MAN2A2: variants seen among roughly 807,000 people sequenced by gnomAD.
MAN2A2 encodes alpha-mannosidase 2x.
In MAN2A2, 79 loss-of-function variants were observed where a neutral mutation model predicts 126.8. The observed-to-expected ratio is 0.62, with a 90% CI of 0.52 to 0.75. The LOEUF (loss-of-function observed/expected upper bound fraction) is 0.75, where lower values mean the gene tolerates loss of function less well. MAN2A2 is among the 30% of genes least tolerant of loss of function. The pLI is 0.00. For missense variants in MAN2A2, 1,392 were observed against 1,522.4 expected (o/e 0.91, Z 1.43); for synonymous variants, 671 against 618.7 (o/e 1.08, Z -1.25).
At chr15:90,913,856 T>C (rs554441461) in intron 19 of MAN2A2, 101 bp downstream of exon 19, 98 of 1,401,980 alleles carry the variant, frequency 7.0e-5, no homozygotes, top group Non-Finnish European at 4.8e-5. Flanking sequence ...TGCCTCTTTC[T>C]GGACTGCATC....
chr15:90,918,499 C>T lies in MAN2A2; in HGVS notation c.3189+111C>T, dbSNP rs77958173. On this transcript the variant is annotated intron_variant, in intron 21 of 22. Transcript: ENST00000559717. ...AGGTCCAGACCCCTTAGCAGGTATT[C>T]GGCTCCAAACCTCCAGGACCAGGTT... The T allele has an allele frequency of 6.2e-4, 824 of 1,335,388 alleles. 5 individuals carry two copies. The African/African-American group carries it at 0.011, about 17-fold the overall frequency. The allele number at this position is 1,335,388 out of a possible 1,614,324, so 82.7% of individuals were successfully genotyped here.
At chr15:90,911,718 T>C in intron 14 of MAN2A2, 168 bp downstream of exon 14, 1 of 732,072 alleles carries the variant, frequency 1.4e-6, no homozygotes, top group Non-Finnish European at 2.2e-6. Flanking sequence ...TCTTGGGATT[T>C]GAGCGTGTCC....
chr15:90,912,290 A>G lies in MAN2A2; in HGVS notation c.2346+11A>G, dbSNP rs2034816999. 4 of 1,613,592 alleles carry G rather than the reference A, an allele frequency of 2.5e-6. No homozygotes were observed. Among genetic ancestry groups the G allele is most frequent in the South Asian group, 1.1e-5 (1 of 91,084 alleles). On this transcript the variant is annotated intron_variant, in intron 15 of 22. Transcript: ENST00000559717. ...ACTGGGCTCCTCAAGGTAAAAGGCC[A>G]GGGTGGTGGGGAAGGGCCAGGGGCC...
Position 90,913,287 on chromosome 15 carries a change from T to A in MAN2A2, c.2599T>A (p.Ser867Thr). The A allele has an allele frequency of 6.2e-7, 1 of 1,614,072 alleles. No homozygotes were observed. Among genetic ancestry groups the A allele is most frequent in the Non-Finnish European group, 8.5e-7 (1 of 1,179,988 alleles). ...LYNLPGVEGL[S>T]LDISSLVDIR... The stretch of plus-strand genomic sequence containing the variant: ...CCTGTACCCAGGGGTGGAGGGGCTG[T>A]CTCTGGACATATCATCCCTGGTGGA... Residue 867 changes from serine to threonine, a missense_variant, in exon 18 of 23, where the codon TCT (serine) becomes ACT (threonine). Coordinates refer to ENST00000559717, the MANE Select transcript of MAN2A2 (RefSeq NM_006122.4).
rs897984580 is a variant in MAN2A2 at position 90,905,503 on chromosome 15, C to T, written c.385C>T (p.Leu129=). 3.5e-5 allele frequency: 56 copies of T among 1,613,976 alleles called. No individual in the cohort carries two copies. The highest frequency in any genetic ancestry group is 4.4e-5 in the Non-Finnish European group (52 of 1,180,042). The change falls in exon 3 of 23, where the codon CTG becomes TTG. Residue 129 remains leucine, a synonymous_variant. Transcript: ENST00000559717. ...GGGGGGCCGGGGTCAGAAGCCAGAG[C>T]TGCAGGTAAGAGTCAGAGCTGGCAG... ...ALGGRGQKPE[L]QMLTVSEELP...
Position 90,918,373 on chromosome 15 carries a change from T to A in MAN2A2, c.3174T>A (p.Arg1058=). Residue 1058 remains arginine, a synonymous_variant, in exon 21 of 23, where the codon CGT becomes CGA. Coordinates refer to ENST00000559717, the MANE Select transcript of MAN2A2 (RefSeq NM_006122.4). ...LPCDFHLLNL[R]TLQAEEDTLP... is the part of the protein sequence containing the mutation. ...GTGACTTCCACCTGCTCAACCTACG[T>A]ACGCTCCAGGCTGAGGTGAGTGTCC... The A allele has an allele frequency of 6.2e-7, 1 of 1,613,890 alleles. No homozygotes were observed. Among genetic ancestry groups the A allele is most frequent in the Admixed American group, 1.7e-5 (1 of 60,014 alleles).
intron 21 of MAN2A2, 57 bp from the exon 22 acceptor site, chr15:90,918,588 C>T (rs992686303): frequency 3.0e-6 from 4 of 1,311,940 alleles, no homozygotes; most frequent in Non-Finnish European, 4.4e-6. Flanking sequence ...GGCGCTGCTG[C>T]ATCTCCGATC....
At position 90,910,804 on chromosome 15, in the gene MAN2A2, C is replaced by T. The variant is rs186450069; in HGVS notation, c.1761-43C>T. 7 of 1,602,868 alleles carry T rather than the reference C, an allele frequency of 4.4e-6. No individual in the cohort carries two copies. The African/African-American group carries it at 6.7e-5, about 15-fold the overall frequency. On this transcript the variant is annotated intron_variant, in intron 11 of 22. Coordinates refer to ENST00000559717, the MANE Select transcript of MAN2A2 (RefSeq NM_006122.4). ...CCTGCTGACAAGGCAGACAGCTTCCCTATGGTCATCTTCTCTCCTTCCCTC... is the reference window on the plus strand; with the variant it reads ...CCTGCTGACAAGGCAGACAGCTTCCTTATGGTCATCTTCTCTCCTTCCCTC...
chr15:90,905,132 G>A (rs2034163105), intron 2 of MAN2A2, 119 bp from the exon 3 acceptor site: 1 of 1,095,160 alleles, frequency 9.1e-7, no homozygotes, highest in African/African-American at 1.6e-5. Flanking sequence ...CTAGGCTCAT[G>A]GTCTGGCTTT....
Position 90,916,195 on chromosome 15 carries a change from A to T in MAN2A2, c.2933A>T (p.Asp978Val). Reference protein sequence around the residue: ...DNRGLGQGLKDNKRTCNRFRL... With the variant: ...DNRGLGQGLKVNKRTCNRFRL... Reference sequence around the variant, plus strand: ...CGGGGCCTAGGCCAAGGGCTCAAGGACAACAAGAGAACCTGCAACCGTTTC... The same window carrying T: ...CGGGGCCTAGGCCAAGGGCTCAAGGTCAACAAGAGAACCTGCAACCGTTTC... Residue 978 changes from aspartate to valine, a missense_variant, in exon 20 of 23, where the codon GAC (aspartate) becomes GTC (valine). Physicochemically the swap from Asp to Val is radical, Grantham distance 152 (BLOSUM62 -3). Coordinates refer to ENST00000559717, the MANE Select transcript of MAN2A2 (RefSeq NM_006122.4). 1 of 1,614,152 alleles carries T rather than the reference A, an allele frequency of 6.2e-7. No homozygotes were observed. The highest frequency in any genetic ancestry group is 8.5e-7 in the Non-Finnish European group (1 of 1,180,026).
At chr15:90,915,694 A>G (rs1366518804) in intron 19 of MAN2A2, among the ~76,000 whole-genome samples, 1 of 152,182 alleles carries the variant, frequency 6.6e-6, no homozygotes, top group East Asian at 1.9e-4. Context: ...TTTAGTCACA[A>G]CCTGCCCAAC....
intron 1 of MAN2A2, 195 bp from the exon 2 acceptor site, chr15:90,903,995 G>T: frequency 3.1e-6 from 2 of 640,162 alleles, no homozygotes; most frequent in South Asian, 3.3e-5. Context: ...AAAGGAGAGC[G>T]TCCTCTCCAC....
chr15:90,913,479 C>A (rs575327058), intron 18 of MAN2A2, 73 bp downstream of exon 18: 68 of 1,576,088 alleles, frequency 4.3e-5, no homozygotes, highest in Admixed American at 2.4e-4. Flanking sequence ...CTGTCACAGG[C>A]CCTGGGGGAT....
Position 90,920,860 on chromosome 15 carries a change from A to G in MAN2A2, c.*1073A>G, listed in dbSNP as rs1451968714. 2.0e-5 allele frequency: 3 copies of G among 152,234 alleles called. No individual in the cohort carries two copies. The highest frequency in any genetic ancestry group is 4.8e-5 in the African/African-American group (2 of 41,462). The allele number at this position is 152,234 out of a possible 1,614,324, so 9.4% of individuals were successfully genotyped here. A position where few individuals can be genotyped will look rare whatever the true frequency, so the allele number is the denominator to read the frequency against. On this transcript the variant is annotated 3_prime_UTR_variant, in exon 23 of 23. Transcript: ENST00000559717. Reference sequence around the variant, plus strand: ...TGCAGGAGCCTTCATTTCAGCTTCAATTAATAGGGAAGAATTTATGATAGC... The same window carrying G: ...TGCAGGAGCCTTCATTTCAGCTTCAGTTAATAGGGAAGAATTTATGATAGC...
At chr15:90,902,907 C>A (rs1012927475), upstream of MAN2A2, 233 of 150,160 alleles carry the variant, frequency 1.6e-3, 4 homozygotes, top group African/African-American at 5.2e-3. Context: ...GGGCCGCCGT[C>A]CCCGGGCGTG....
intron 10 of MAN2A2, 42 bp from the exon 11 acceptor site, chr15:90,910,459 G>A (rs1333821118): frequency 3.7e-6 from 6 of 1,608,664 alleles, no homozygotes; most frequent in Middle Eastern, 1.7e-4. Context: ...GTGGGCCCTG[G>A]CTAGTGGTGC....
Position 90,906,505 on chromosome 15 carries a change from C to A in MAN2A2, c.835+8C>A, listed in dbSNP as rs750856238. ...GGCTGGAGAGAAATCTTGGTAAGTC[C>A]AGGCCCAGGCATGGGGGTCTGCCCC... On this transcript the variant is annotated splice_region_variant and intron_variant, in intron 6 of 22. Transcript: ENST00000559717. The A allele has an allele frequency of 3.9e-5, 63 of 1,613,986 alleles. 1 individual carries two copies. Among genetic ancestry groups the A allele is most frequent in the Middle Eastern group, 3.3e-4 (2 of 6,084 alleles).
intron 2 of MAN2A2, among the ~76,000 whole-genome samples, chr15:90,904,652 C>T (rs1206643906): frequency 6.6e-6 from 1 of 151,228 alleles, no homozygotes; most frequent in Non-Finnish European, 1.5e-5. Context: ...TGCAGTGGCG[C>T]GATCTTGGCT....
rs904548736 is a variant in MAN2A2 at position 90,918,136 on chromosome 15, G to A, written c.2995-58G>A. 7.9e-6 allele frequency: 12 copies of A among 1,520,196 alleles called. No individual in the cohort carries two copies. The African/African-American group carries it at 1.1e-4, about 14-fold the overall frequency. The allele number at this position is 1,520,196 out of a possible 1,614,324, so 94.2% of individuals were successfully genotyped here. The stretch of plus-strand genomic sequence containing the variant: ...CCTGGGTGTGCTTTTATCCTGCCTC[G>A]TCCTCTCCCCTCAGCCTGGCTTTGG... On this transcript the variant is annotated intron_variant, in intron 20 of 22. Transcript: ENST00000559717.
Sources: gnomAD v4.1 joint callset for allele counts (sites outside exome capture counted in the v4.1 genomes callset) on GRCh38, gnomAD v4.1.1 for gene constraint, MANE v1.5 for transcripts, NCBI Gene and HGNC (gene_info 2026-07-23, HGNC 2026-07-21) for gene names.